The following MVB12B variants were observed in gnomAD, a reference collection of about 807,000 sequenced individuals.
MVB12B encodes multivesicular body subunit 12B.
A neutral mutation model predicts 41.6 loss-of-function variants in MVB12B; 16 were observed. That is an observed-to-expected ratio of 0.38 (90% CI 0.26 to 0.58). The LOEUF (loss-of-function observed/expected upper bound fraction) is 0.58, where lower values mean the gene tolerates loss of function less well. MVB12B is among the 20% of genes least tolerant of loss of function. The pLI is 0.62. For missense variants in MVB12B, 274 were observed against 380.2 expected, an observed-to-expected ratio of 0.72 and a Z score of 2.32; for synonymous variants, 133 against 139.7, an observed-to-expected ratio of 0.95 and a Z score of 0.34.
chr9:126,352,035 T>C (rs1467780356), intron 2 of MVB12B, among the ~76,000 whole-genome samples: 1 of 152,204 alleles, frequency 6.6e-6, no homozygotes, highest in Non-Finnish European at 1.5e-5. Context: ...CTTGCATCCC[T>C]GGAATAAATT....
chr9:126,334,931 A>G (rs370181628), intron 1 of MVB12B, among the ~76,000 whole-genome samples: 17 of 152,338 alleles, frequency 1.1e-4, no homozygotes, highest in Middle Eastern at 3.4e-3. Context: ...GGCTGCAGCA[A>G]TCTGAACCCT....
At chr9:126,501,057 GCC>G (rs2119242578) in intron 9 of MVB12B, among the ~76,000 whole-genome samples, 1 of 152,350 alleles carries the variant, frequency 6.6e-6, no homozygotes, top group Admixed American at 6.5e-5. Context: ...TGCCCAGGCG[GCC>G]ACCAGGTGGC....
intron 7 of MVB12B, among the ~76,000 whole-genome samples, chr9:126,423,410 C>G (rs764251478): frequency 6.6e-6 from 1 of 152,170 alleles, no homozygotes; most frequent in Non-Finnish European, 1.5e-5. Flanking sequence ...TTCCTCGCCC[C>G]GCAGCTTTGA....
chr9:126,500,404 C>T (rs1833929653), intron 9 of MVB12B, among the ~76,000 whole-genome samples: 1 of 152,198 alleles, frequency 6.6e-6, no homozygotes, highest in South Asian at 2.1e-4. Context: ...CCAGTCCTTC[C>T]CCAGCTCCTT....
At chr9:126,487,012 CTG>C (rs72157747) in intron 9 of MVB12B, among the ~76,000 whole-genome samples, 37,513 of 151,902 alleles carry the variant, frequency 0.25, 5,322 homozygotes, top group African/African-American at 0.4. Context: ...GGACTGAAAT[CTG>C]TGATTCATTA....
Position 126,340,700 on chromosome 9 carries a change from C to T in MVB12B, c.204+70C>T. On this transcript the variant is annotated intron_variant, in intron 2 of 9. Transcript: ENST00000361171. The surrounding 1 kb of genome is among the most constrained non-coding windows in gnomAD (Gnocchi z 4.0). ...AAGTATTTATCTCCTGTGTCCAAGA[C>T]CTTCTGGCCCTTGCGTGTAAGATGT... 6.4e-7 allele frequency: 1 copy of T among 1,552,154 alleles called. No individual in the cohort carries two copies. Among genetic ancestry groups the T allele is most frequent in the Non-Finnish European group, 8.8e-7 (1 of 1,132,586 alleles).
At chr9:126,435,903 G>T (rs180796299) in intron 7 of MVB12B, among the ~76,000 whole-genome samples, 199 of 152,286 alleles carry the variant, frequency 1.3e-3, no homozygotes, top group African/African-American at 4.3e-3. Context: ...AGATGCGGGG[G>T]GACTGCTTGT....
intron 9 of MVB12B, among the ~76,000 whole-genome samples, chr9:126,484,264 A>G (rs1419885804): frequency 2.0e-5 from 3 of 152,250 alleles, no homozygotes; most frequent in Non-Finnish European, 4.4e-5. Flanking sequence ...TGTCTTCTCT[A>G]AGTCAGAATG....
chr9:126,397,421 A>G lies in MVB12B; in HGVS notation c.662+1724A>G, dbSNP rs1055579914. The G allele has an allele frequency of 1.7e-5, 17 of 985,408 alleles. No individual in the cohort carries two copies. The East Asian group carries it at 1.8e-3, about 105-fold the overall frequency. The allele number at this position is 985,408 out of a possible 1,614,324, so 61.0% of individuals were successfully genotyped here. On this transcript the variant is annotated intron_variant, in intron 6 of 9. Coordinates refer to ENST00000361171, the MANE Select transcript of MVB12B (RefSeq NM_033446.3). ...TAGTGCGTCAGAACCAGATGTTTAT[A>G]AGGCTTATGTATTTTATCACCTCTG...
chr9:126,449,803 T>C (rs1387130338), intron 7 of MVB12B, among the ~76,000 whole-genome samples: 3 of 152,232 alleles, frequency 2.0e-5, no homozygotes, highest in Non-Finnish European at 4.4e-5. Context: ...TCAATTTTTA[T>C]TGAGCTAAGT....
At chr9:126,363,762 C>G (rs1387466824) in intron 2 of MVB12B, among the ~76,000 whole-genome samples, 1 of 152,140 alleles carries the variant, frequency 6.6e-6, no homozygotes, top group African/African-American at 2.4e-5. Context: ...TCTCATTCTG[C>G]CCCCACTCAC....
intron 9 of MVB12B, among the ~76,000 whole-genome samples, chr9:126,498,817 G>T (rs1019627091): frequency 3.3e-5 from 5 of 152,228 alleles, no homozygotes; most frequent in Non-Finnish European, 5.9e-5. Context: ...GTGGGAAGGA[G>T]GGAGGAGGCT....
At chr9:126,476,553 A>G (rs1165963190) in intron 7 of MVB12B, among the ~76,000 whole-genome samples, 1 of 152,212 alleles carries the variant, frequency 6.6e-6, no homozygotes, top group African/African-American at 2.4e-5. Context: ...ATGGAAATAT[A>G]TAATTTATAC....
At chr9:126,444,950 G>A (rs10987281) in intron 7 of MVB12B, among the ~76,000 whole-genome samples, 37,024 of 151,886 alleles carry the variant, frequency 0.24, 5,353 homozygotes, top group African/African-American at 0.4. Context: ...GGAGGGTCAC[G>A]CTTTTAATAA....
chr9:126,381,818 T>C (rs1227317382), intron 3 of MVB12B, among the ~76,000 whole-genome samples: 1 of 152,052 alleles, frequency 6.6e-6, no homozygotes, highest in Non-Finnish European at 1.5e-5. Context: ...GTATCTGCTC[T>C]GTACAAGGCC....
rs1054536329 is a variant in MVB12B, at chr9:126,391,721, T to A, written c.410-345T>A. Among the ~76,000 whole-genome samples, 2 of 152,152 alleles carry A rather than the reference T, an allele frequency of 1.3e-5. No homozygotes were observed. Among genetic ancestry groups the A allele is most frequent in the Non-Finnish European group, 2.9e-5 (2 of 68,010 alleles). Reference sequence around the variant, plus strand: ...ATTTCTGTAATAAAAAGAAAAGAAGTCCGTGTGGTGAAATGTGTTAATGCT... The same window carrying A: ...ATTTCTGTAATAAAAAGAAAAGAAGACCGTGTGGTGAAATGTGTTAATGCT... On this transcript the variant is annotated intron_variant, in intron 4 of 9. Transcript: ENST00000361171. This position sits in a 1 kb window ranked among gnomAD's most constrained non-coding sequence, Gnocchi z 4.4.
At chr9:126,368,971 C>T (rs906927207) in intron 2 of MVB12B, among the ~76,000 whole-genome samples, 10 of 152,160 alleles carry the variant, frequency 6.6e-5, no homozygotes, top group African/African-American at 2.2e-4. Context: ...TCTTTCTAGA[C>T]TCGCGTGTGT....
At position 126,386,516 on chromosome 9, in the gene MVB12B, TG is replaced by T; in HGVS notation, c.313-45del. 1 of 1,470,730 alleles carries T rather than the reference TG, an allele frequency of 6.8e-7. No homozygotes were observed. The highest frequency in any genetic ancestry group is 1.1e-5 in the South Asian group (1 of 87,466). The allele number at this position is 1,470,730 out of a possible 1,614,324, so 91.1% of individuals were successfully genotyped here. ...AAGCCAAAATGGCAAACCCACCACATGCATGTTCAGATTAATAGTCTGTATC... is the reference window on the plus strand; with the variant it reads ...AAGCCAAAATGGCAAACCCACCACATCATGTTCAGATTAATAGTCTGTATC... On this transcript the variant is annotated intron_variant, in intron 3 of 9. Transcript: ENST00000361171. The surrounding 1 kb of genome is among the most constrained non-coding windows in gnomAD (Gnocchi z 4.3).
intron 2 of MVB12B, among the ~76,000 whole-genome samples, chr9:126,354,585 A>G (rs188981235): frequency 1.3e-5 from 2 of 152,238 alleles, no homozygotes; most frequent in African/African-American, 2.4e-5. Context: ...ATTACCAGTA[A>G]TGAGACAATT....
Sources: gnomAD v4.1 joint callset for allele counts (sites outside exome capture counted in the v4.1 genomes callset) on GRCh38, gnomAD v4.1.1 for gene constraint, Gnocchi (gnomAD v3.1) non-coding constraint, MANE v1.5 for transcripts, NCBI Gene and HGNC (gene_info 2026-07-23, HGNC 2026-07-21) for gene names.